The following AP3B1 variants were observed in gnomAD, a reference collection of about 807,000 sequenced individuals.
AP3B1 encodes adaptor related protein complex 3 subunit beta 1.
Under a neutral mutation model 132.5 loss-of-function variants are expected in AP3B1, and 61 were observed. The ratio of observed to expected loss-of-function variants is 0.46; its 90% CI spans 0.37 to 0.57. AP3B1 has a LOEUF of 0.57. AP3B1 is among the 20% of genes least tolerant of loss of function. The probability of loss-of-function intolerance (pLI) is 0.00; values close to 1 mark genes in which losing one functional copy is unlikely to be tolerated. For synonymous variants in AP3B1, 388 were observed against 438.3 expected (o/e 0.89, Z 1.43); for missense variants, 1,120 against 1,289.4 (o/e 0.87, Z 2.01).
At chr5:78,000,867 C>T (rs1023253563), downstream of AP3B1, 10 of 152,100 alleles carry the variant, frequency 6.6e-5, 1 homozygote, top group South Asian at 1.9e-3. Flanking sequence ...AAAAACCAAA[C>T]CTTTAACTTG....
At chr5:78,142,525 T>C (rs1391952764) in intron 14 of AP3B1, among the ~76,000 whole-genome samples, 7 of 152,164 alleles carry the variant, frequency 4.6e-5, no homozygotes, top group East Asian at 3.8e-4. Flanking sequence ...CATAGTAGGA[T>C]TGTTAAAGAA....
At chr5:78,075,024 A>G (rs904736465) in intron 22 of AP3B1, among the ~76,000 whole-genome samples, 1 of 152,260 alleles carries the variant, frequency 6.6e-6, no homozygotes, top group Non-Finnish European at 1.5e-5. Flanking sequence ...TGTCTGGCAT[A>G]TAACTTAGTA....
At position 78,289,804 on chromosome 5, in the gene AP3B1, C is replaced by A. The variant is rs112921011; in HGVS notation, c.128+4648G>T. Among the ~76,000 whole-genome samples the A allele has an allele frequency of 4.5e-3, 687 of 152,292 alleles. 3 individuals carry two copies. Among genetic ancestry groups the A allele is most frequent in the Middle Eastern group, 0.02 (6 of 294 alleles). ...TTGTCCAAACTGCCTTCTCGTCTAA[C>A]AAGAAAAGTCTTCCCTGGGTGATTT... On this transcript the variant is annotated intron_variant, in intron 1 of 26. Transcript: ENST00000255194.
At chr5:78,153,550 A>G (rs1742986975) in intron 14 of AP3B1, among the ~76,000 whole-genome samples, 1 of 151,850 alleles carries the variant, frequency 6.6e-6, no homozygotes, top group Non-Finnish European at 1.5e-5. Context: ...ATTTACATTC[A>G]ATGTTATTAT....
chr5:78,021,160 T>C (rs967148397), intron 24 of AP3B1, among the ~76,000 whole-genome samples: 5 of 152,050 alleles, frequency 3.3e-5, no homozygotes, highest in Admixed American at 6.6e-5. Context: ...TCTTAAAGTA[T>C]AGAAGATGAA....
At chr5:78,090,508 A>C (rs759173748) in intron 21 of AP3B1, among the ~76,000 whole-genome samples, 2 of 152,220 alleles carry the variant, frequency 1.3e-5, no homozygotes, top group Non-Finnish European at 2.9e-5. Context: ...CGATCTGGCA[A>C]GCTACCCTTT....
chr5:78,292,905 G>A (rs1279489055), intron 1 of AP3B1, among the ~76,000 whole-genome samples: 1 of 151,484 alleles, frequency 6.6e-6, no homozygotes, highest in Non-Finnish European at 1.5e-5. Flanking sequence ...TTGAGACGGA[G>A]TCTCACTCTG....
intron 1 of AP3B1, among the ~76,000 whole-genome samples, chr5:78,290,292 G>C (rs1226048751): frequency 1.3e-5 from 2 of 152,026 alleles, no homozygotes; most frequent in Non-Finnish European, 1.5e-5. Flanking sequence ...TCACTATGTT[G>C]CCCAGGCTGG....
intron 17 of AP3B1, among the ~76,000 whole-genome samples, chr5:78,118,183 T>C (rs1438721566): frequency 6.6e-6 from 1 of 152,174 alleles, no homozygotes; most frequent in African/African-American, 2.4e-5. Flanking sequence ...TTTTGTTTTA[T>C]TTAAAAAATC....
At chr5:78,228,415 AAAGT>A (rs1158345600) in intron 3 of AP3B1, among the ~76,000 whole-genome samples, 176 bp from the exon 4 acceptor site, 1 of 152,230 alleles carries the variant, frequency 6.6e-6, no homozygotes, top group Non-Finnish European at 1.5e-5. Context: ...AAAAGCTTTT[AAAGT>A]AAGCATTTTA....
At chr5:78,120,127 G>A (rs563462103) in intron 17 of AP3B1, among the ~76,000 whole-genome samples, 3 of 152,216 alleles carry the variant, frequency 2.0e-5, no homozygotes, top group South Asian at 4.1e-4. Context: ...ATACTTTACA[G>A]ACAAGCAAAT....
chr5:78,141,625 AT>A (rs2112327725), intron 14 of AP3B1, among the ~76,000 whole-genome samples: 1 of 152,238 alleles, frequency 6.6e-6, no homozygotes, highest in South Asian at 2.1e-4. Flanking sequence ...GCCCATACCT[AT>A]TTGTTTCTCC....
Position 78,141,187 on chromosome 5 carries a change from T to C in AP3B1, c.1606A>G (p.Ile536Val). 4 of 1,613,866 alleles carry C rather than the reference T, an allele frequency of 2.5e-6. No individual in the cohort carries two copies. The highest frequency in any genetic ancestry group is 2.7e-5 in the African/African-American group (2 of 75,048). The change falls in exon 15 of 27, where the codon ATA becomes GTA. Residue 536 changes from isoleucine (I) to valine (V), a missense_variant. Physicochemically the swap from Ile to Val is conservative, Grantham distance 29. Transcript: ENST00000255194. ...TACAATTTTGCTCCCAGATTTAATATCTGCAGTTTTACCAGATCATCTTCA... is the reference window on the plus strand; with the variant it reads ...TACAATTTTGCTCCCAGATTTAATACCTGCAGTTTTACCAGATCATCTTCA... The part of the protein sequence containing the change: ...TSEDDLVKLQ[I>V]LNLGAKLYLT...
At chr5:78,260,867 G>T (rs79613084) in intron 2 of AP3B1, among the ~76,000 whole-genome samples, 23 of 37,962 alleles carry the variant, frequency 6.1e-4, no homozygotes, top group African/African-American at 1.6e-3. Flanking sequence ...ACAATTTTTT[G>T]TGTGTGTGTG....
At chr5:78,034,554 G>T in intron 23 of AP3B1, 109 bp from the exon 24 acceptor site, 1 of 815,298 alleles carries the variant, frequency 1.2e-6, no homozygotes, top group Non-Finnish European at 2.1e-6. Flanking sequence ...ACTGTGAAAT[G>T]TAATGATGGC....
At chr5:78,099,742 A>T (rs1751052210) in intron 21 of AP3B1, among the ~76,000 whole-genome samples, 1 of 152,046 alleles carries the variant, frequency 6.6e-6, no homozygotes, top group Non-Finnish European at 1.5e-5. Context: ...AAAAAAAAAT[A>T]CAAAAAATTA....
chr5:78,020,231 C>T (rs1169141773), intron 25 of AP3B1, among the ~76,000 whole-genome samples: 1 of 151,794 alleles, frequency 6.6e-6, no homozygotes, highest in Non-Finnish European at 1.5e-5. Flanking sequence ...ATTTTAATGC[C>T]ATAATTAGGA....
chr5:78,236,982 A>G (rs1746905320), intron 3 of AP3B1, among the ~76,000 whole-genome samples: 2 of 152,214 alleles, frequency 1.3e-5, no homozygotes, highest in African/African-American at 2.4e-5. Context: ...AATTAATCAT[A>G]AGTAAAATTG....
chr5:78,237,873 C>T (rs990443270), intron 3 of AP3B1, among the ~76,000 whole-genome samples: 3 of 152,214 alleles, frequency 2.0e-5, no homozygotes, highest in Non-Finnish European at 2.9e-5. Context: ...TGATGCATTG[C>T]TTAACAATGT....
Sources: gnomAD v4.1 joint callset for allele counts (sites outside exome capture counted in the v4.1 genomes callset) on GRCh38, gnomAD v4.1.1 for gene constraint, MANE v1.5 for transcripts, NCBI Gene and HGNC (gene_info 2026-07-23, HGNC 2026-07-21) for gene names.